Variants in DRG2 observed in about 807,000 individuals in gnomAD.
DRG2 encodes developmentally-regulated GTP-binding protein 2.
Under a neutral mutation model 53.4 loss-of-function variants are expected in DRG2, and 36 were observed. That is an observed-to-expected ratio of 0.67 (90% CI 0.52 to 0.89). The LOEUF is 0.89. DRG2 is among the 40% of genes least tolerant of loss of function. DRG2 has a pLI of 0.00. For missense variants in DRG2, 342 were observed against 481.2 expected (o/e 0.71, Z 2.71); for synonymous variants, 167 against 192.1 (o/e 0.87, Z 1.08).
chr17:18,094,076 G>C lies in DRG2; in HGVS notation c.225+103G>C, dbSNP rs377461616. The C allele has an allele frequency of 3.0e-4, 435 of 1,460,018 alleles. 7 individuals are homozygous for C. The South Asian group carries it at 5.5e-3, about 19-fold the overall frequency. 90.4% of individuals were successfully genotyped at this position (1,460,018 alleles called of 1,614,324 possible). A position where few individuals can be genotyped will look rare whatever the true frequency, so the allele number is the denominator to read the frequency against. The stretch of plus-strand genomic sequence containing the variant: ...TCGCTGCCTTTCTGCTTAGCTCCAG[G>C]GACACAGAAGACCTGGCCTCCCCCA... On this transcript the variant is annotated intron_variant, in intron 2 of 12. Coordinates refer to ENST00000225729, the MANE Select transcript of DRG2 (RefSeq NM_001388.5).
At chr17:18,106,073 G>C in intron 11 of DRG2, 1 of 281,374 alleles carries the variant, frequency 3.6e-6, no homozygotes, top group South Asian at 4.8e-5. Flanking sequence ...GACCAAGCAG[G>C]GGGGACTCCA....
At position 18,103,903 on chromosome 17, in the gene DRG2, C is replaced by A; in HGVS notation, c.895+14C>A. 1 of 1,612,868 alleles carries A rather than the reference C, an allele frequency of 6.2e-7. No individual in the cohort carries two copies. Among genetic ancestry groups the A allele is most frequent in the Non-Finnish European group, 8.5e-7 (1 of 1,178,978 alleles). ...AGAAGAGAGGACGTGAGTTGCACTGCGCGTAGCTGAAAAACAGGCTGAGCT... is the reference window on the plus strand; with the variant it reads ...AGAAGAGAGGACGTGAGTTGCACTGAGCGTAGCTGAAAAACAGGCTGAGCT... On this transcript the variant is annotated intron_variant, in intron 10 of 12. Coordinates refer to ENST00000225729, the MANE Select transcript of DRG2 (RefSeq NM_001388.5). This position sits in a 1 kb window ranked among gnomAD's most constrained non-coding sequence, Gnocchi z 4.4.
chr17:18,094,576 G>A (rs2045393732), intron 2 of DRG2, among the ~76,000 whole-genome samples: 1 of 152,186 alleles, frequency 6.6e-6, no homozygotes, highest in East Asian at 1.9e-4. Context: ...GGCCCAGGTG[G>A]CTCTCTGAGG....
At chr17:18,089,252 C>T (rs1341055525) in intron 1 of DRG2, among the ~76,000 whole-genome samples, 1 of 152,224 alleles carries the variant, frequency 6.6e-6, no homozygotes, top group Admixed American at 6.5e-5. Context: ...GATTCTCCTG[C>T]CTCAGCCTCC....
intron 1 of DRG2, among the ~76,000 whole-genome samples, chr17:18,089,953 G>GA (rs1220108317): frequency 6.6e-6 from 1 of 152,048 alleles, no homozygotes; most frequent in Non-Finnish European, 1.5e-5. Context: ...GTTAAGCAGG[G>GA]GAGGGGCTAT....
intron 2 of DRG2, chr17:18,096,487 C>T (rs2045436096): frequency 6.6e-6 from 1 of 152,186 alleles, no homozygotes; most frequent in Non-Finnish European, 1.5e-5. Context: ...TTTTAGTTGG[C>T]TTCTTTGATG....
chr17:18,094,170 C>G, intron 2 of DRG2, 197 bp downstream of exon 2: 1 of 643,906 alleles, frequency 1.6e-6, no homozygotes, highest in Non-Finnish European at 2.5e-6. Flanking sequence ...CAGATGGAGC[C>G]CTACTTGGTC....
chr17:18,090,365 A>AATTT (rs751998309), intron 1 of DRG2, among the ~76,000 whole-genome samples: 2,058 of 29,002 alleles, frequency 0.071, 313 homozygotes, highest in Middle Eastern at 0.12. Flanking sequence ...ACACCGGGCT[A>AATTT]ATTTATATAT....
At chr17:18,104,479 G>C in intron 10 of DRG2, 144 bp from the exon 11 acceptor site, 3 of 1,476,084 alleles carry the variant, frequency 2.0e-6, no homozygotes, top group South Asian at 2.7e-5. Context: ...CTATGTGGAG[G>C]GTGTGCTGGA....
Position 18,100,442 on chromosome 17 carries a change from C to A in DRG2, c.540+7C>A. 1 of 1,614,266 alleles carries A rather than the reference C, an allele frequency of 6.2e-7. No individual in the cohort carries two copies. The highest frequency in any genetic ancestry group is 8.5e-7 in the Non-Finnish European group (1 of 1,180,048). ...GCCTAACATCTACTTCAAGGTGAGG[C>A]ACCTCTCTGGCCTTCAGGCCAGGGG... On this transcript the variant is annotated splice_region_variant and intron_variant, in intron 6 of 12. Transcript: ENST00000225729. This position sits in a 1 kb window ranked among gnomAD's most constrained non-coding sequence, Gnocchi z 4.1.
At chr17:18,090,335 G>A (rs1380920484) in intron 1 of DRG2, among the ~76,000 whole-genome samples, 1 of 127,850 alleles carries the variant, frequency 7.8e-6, no homozygotes, top group African/African-American at 2.9e-5. Context: ...GAGTAGCTGG[G>A]ACTACAGGTG....
At chr17:18,104,090 C>CA (rs1171944820) in intron 10 of DRG2, among the ~76,000 whole-genome samples, 4 of 152,176 alleles carry the variant, frequency 2.6e-5, no homozygotes, top group Non-Finnish European at 5.9e-5. Context: ...TTGGGGTCCC[C>CA]ACTGGCTGTA....
intron 1 of DRG2, among the ~76,000 whole-genome samples, chr17:18,090,522 T>G (rs1339687046): frequency 7.0e-6 from 1 of 143,208 alleles, no homozygotes; most frequent in Non-Finnish European, 1.5e-5. Flanking sequence ...GTTCAAGGGA[T>G]TCTCCTGCCT....
intron 2 of DRG2, among the ~76,000 whole-genome samples, chr17:18,094,974 CAAA>C (rs1165321853): frequency 3.8e-3 from 96 of 25,292 alleles, no homozygotes; most frequent in African/African-American, 7.8e-3. Context: ...AACTCCATCT[CAAA>C]AAAAAAAAAA....
rs1361463805 is a variant in DRG2 at position 18,093,962 on chromosome 17, T to A, written c.214T>A (p.Ser72Thr). Residue 72 changes from serine (S) to threonine (T), a missense_variant, in exon 2 of 13, where the codon TCT (serine) becomes ACT (threonine). Ser to Thr is a moderately conservative substitution (Grantham distance 58, BLOSUM62 1). Transcript: ENST00000225729. ...DARVALIGFP[S>T]VGKSTFLSLM... is the part of the protein sequence containing the mutation. ...CCGTGTGGCGCTGATTGGATTTCCC[T>A]CTGTGGGTAAGGTCAGTGATGGTCA... is the stretch of plus-strand genomic sequence containing the variant. 1 of 1,614,068 alleles carries A rather than the reference T, an allele frequency of 6.2e-7. No individual in the cohort carries two copies. The highest frequency in any genetic ancestry group is 1.7e-5 in the Admixed American group (1 of 60,008).
chr17:18,094,179 T>C (rs2142185470), intron 2 of DRG2: 2 of 599,582 alleles, frequency 3.3e-6, no homozygotes. Flanking sequence ...CCCTACTTGG[T>C]CTTCCGACTC....
At position 18,106,487 on chromosome 17, in the gene DRG2, G is replaced by T. The variant is rs1196676940; in HGVS notation, c.1008+1G>T. The stretch of plus-strand genomic sequence containing the variant: ...CCAGTTCAAGTACGCCCTGGTGTGG[G>T]TGAGTCTCTGGGTGGAAAGCAACCA... On this transcript the variant is annotated splice_donor_variant, in intron 12 of 12. Coordinates refer to ENST00000225729, the MANE Select transcript of DRG2 (RefSeq NM_001388.5). LOFTEE classifies it high-confidence loss of function. 1.9e-6 allele frequency: 3 copies of T among 1,613,904 alleles called. No individual in the cohort carries two copies. The highest frequency in any genetic ancestry group is 1.7e-6 in the Non-Finnish European group (2 of 1,179,898).
At chr17:18,088,417 G>A (rs1045787445) in intron 1 of DRG2, among the ~76,000 whole-genome samples, 2 of 152,224 alleles carry the variant, frequency 1.3e-5, no homozygotes, top group African/African-American at 2.4e-5. Context: ...GGCTGGGCCT[G>A]GGGCCTGGGT....
intron 1 of DRG2, 83 bp from the exon 2 acceptor site, chr17:18,093,730 A>G: frequency 6.7e-7 from 1 of 1,497,782 alleles, no homozygotes; most frequent in Non-Finnish European, 9.0e-7. Flanking sequence ...CCCAGCCAGC[A>G]CTTGGCGACA....
Sources: allele counts gnomAD v4.1 joint callset (sites outside exome capture counted in the v4.1 genomes callset), GRCh38; gene constraint gnomAD v4.1.1; non-coding constraint Gnocchi (gnomAD v3.1); transcripts MANE v1.5; gene names NCBI Gene and HGNC (gene_info 2026-07-23, HGNC 2026-07-21).